Variants in COX6A2 observed in about 807,000 individuals in gnomAD.
The protein encoded by COX6A2 is cytochrome c oxidase subunit 6A2.
In COX6A2, 5 loss-of-function variants were observed where a neutral mutation model predicts 7.2. The observed-to-expected ratio is 0.69, with a 90% CI of 0.36 to 1.45. COX6A2 has a LOEUF of 1.45. Among genes scored for constraint, COX6A2 ranks in the 40% most tolerant of loss-of-function variants. COX6A2 has a pLI of 0.03. For missense variants in COX6A2, 174 were observed against 137.7 expected (o/e 1.26, Z -1.32); for synonymous variants, 63 against 55.9 (o/e 1.13, Z -0.56).
rs1415273257 is a variant in COX6A2, at chr16:31,427,944, CCCCCG to C, written c.210+66_210+70del. ...CGCGACCCCCCCCCCGCAGCACCCC[CCCCCG>C]CCCCCGCAGCACCCCCCCCCGCCCC... On this transcript the variant is annotated intron_variant, in intron 2 of 2. Coordinates refer to ENST00000287490, the MANE Select transcript of COX6A2 (RefSeq NM_005205.4). 1,018 of 331,954 alleles carry C rather than the reference CCCCCG, an allele frequency of 3.1e-3. 49 individuals carry two copies. Among genetic ancestry groups the C allele is most frequent in the Non-Finnish European group, 3.5e-3 (793 of 227,332 alleles). 20.6% of individuals were successfully genotyped at this position (331,954 alleles called of 1,614,324 possible).
At position 31,427,960 on chromosome 16, in the gene COX6A2, A is replaced by AC. The variant is rs1391925319; in HGVS notation, c.210+54dup. The AC allele has an allele frequency of 7.8e-4, 118 of 151,660 alleles. 2 individuals are homozygous for AC. Among genetic ancestry groups the AC allele is most frequent in the Admixed American group, 3.0e-3 (9 of 3,042 alleles). The allele number at this position is 151,660 out of a possible 1,614,324, so 9.4% of individuals were successfully genotyped here. A position where few individuals can be genotyped will look rare whatever the true frequency, so the allele number is the denominator to read the frequency against. Reference sequence around the variant, plus strand: ...CAGCACCCCCCCCCGCCCCCGCAGCACCCCCCCCCGCCCCCGCAGCACCCC... The same window carrying AC: ...CAGCACCCCCCCCCGCCCCCGCAGCACCCCCCCCCCGCCCCCGCAGCACCCC... On this transcript the variant is annotated intron_variant, in intron 2 of 2. Coordinates refer to ENST00000287490, the MANE Select transcript of COX6A2 (RefSeq NM_005205.4).
chr16:31,428,083 A>C lies in COX6A2; in HGVS notation c.142T>G (p.Tyr48Asp), dbSNP rs572961091. 4.0e-5 allele frequency: 63 copies of C among 1,555,930 alleles called. No homozygotes were observed. The highest frequency in any genetic ancestry group is 5.1e-5 in the Non-Finnish European group (59 of 1,151,564). Residue 48 changes from tyrosine (Y) to aspartate (D), a missense_variant, in exon 2 of 3, where the codon TAT becomes GAT. Transcript: ENST00000287490. The stretch of plus-strand genomic sequence containing the variant: ...CGCGGGCGGTGGCCCGAGTGGAGAT[A>C]GGAGTTGAAGGTGCAGAGGGCCACG... ...PSVALCTFNS[Y>D]LHSGHRPRPE...
In COX6A2 at chr16:31,428,237, C is replaced by T; in HGVS notation, c.73+16G>A. On this transcript the variant is annotated intron_variant, in intron 1 of 2. Coordinates refer to ENST00000287490, the MANE Select transcript of COX6A2 (RefSeq NM_005205.4). ...CAGGGTAGGGGAGCCCCCGGATCCG[C>T]CCGTTCCCCACTCACCTCCTGCTCC... is the stretch of plus-strand genomic sequence containing the variant. The T allele has an allele frequency of 1.3e-6, 2 of 1,573,820 alleles. No homozygotes were observed. Among genetic ancestry groups the T allele is most frequent in the South Asian group, 1.2e-5 (1 of 85,222 alleles).
In COX6A2 at chr16:31,427,995, C is replaced by A; in HGVS notation, c.210+20G>T. 1 of 1,344,366 alleles carries A rather than the reference C, an allele frequency of 7.4e-7. No homozygotes were observed. The allele number at this position is 1,344,366 out of a possible 1,614,324, so 83.3% of individuals were successfully genotyped here. On this transcript the variant is annotated intron_variant, in intron 2 of 2. Transcript: ENST00000287490. ...GCCCCCGCAGCACCCCCGTGCCGCC[C>A]GCGCGCCCGTCCCGCGTACCTTGGT...
Position 31,427,744 on chromosome 16 carries a change from C to A in COX6A2, c.*30G>T, listed in dbSNP as rs753318259. 2 of 1,370,774 alleles carry A rather than the reference C, an allele frequency of 1.5e-6. No homozygotes were observed. The highest frequency in any genetic ancestry group is 1.9e-6 in the Non-Finnish European group (2 of 1,054,854). The allele number at this position is 1,370,774 out of a possible 1,614,324, so 84.9% of individuals were successfully genotyped here. A position where few individuals can be genotyped will look rare whatever the true frequency, so the allele number is the denominator to read the frequency against. On this transcript the variant is annotated 3_prime_UTR_variant, in exon 3 of 3. Transcript: ENST00000287490. ...AGAGCCGCAGACTCGAAGCTTCACA[C>A]CTTTATTGTGTCCGGGGGCGTCCGG...
Position 31,427,735 on chromosome 16 carries a change from A to T in COX6A2, c.*39T>A. The stretch of plus-strand genomic sequence containing the variant: ...CCTCCCCACAGAGCCGCAGACTCGA[A>T]GCTTCACACCTTTATTGTGTCCGGG... On this transcript the variant is annotated 3_prime_UTR_variant, in exon 3 of 3. Transcript: ENST00000287490. The T allele has an allele frequency of 7.5e-7, 1 of 1,332,508 alleles. No homozygotes were observed. The highest frequency in any genetic ancestry group is 9.7e-7 in the Non-Finnish European group (1 of 1,030,126). 82.5% of individuals were successfully genotyped at this position (1,332,508 alleles called of 1,614,324 possible). A position where few individuals can be genotyped will look rare whatever the true frequency, so the allele number is the denominator to read the frequency against.
Position 31,428,050 on chromosome 16 carries a change from A to G in COX6A2, c.175T>C (p.Phe59Leu). 6.5e-7 allele frequency: 1 copy of G among 1,540,556 alleles called. No homozygotes were observed. The highest frequency in any genetic ancestry group is 8.7e-7 in the Non-Finnish European group (1 of 1,145,054). ...ATGCGGAGGTGTTGGTAGGGACGGA[A>G]CTCGGGGCGCGGGCGGTGGCCCGAG... ...LHSGHRPRPE[F>L]RPYQHLRIRT... The change falls in exon 2 of 3, where the codon TTC becomes CTC. Residue 59 changes from phenylalanine (F) to leucine (L), a missense_variant. Phe to Leu is a conservative substitution (Grantham distance 22). Transcript: ENST00000287490.
chr16:31,428,087 G>A lies in COX6A2; in HGVS notation c.138C>T (p.Asn46=), dbSNP rs2082152333. Reference sequence around the variant, plus strand: ...GGCGGTGGCCCGAGTGGAGATAGGAGTTGAAGGTGCAGAGGGCCACGCTGG... The same window carrying A: ...GGCGGTGGCCCGAGTGGAGATAGGAATTGAAGGTGCAGAGGGCCACGCTGG... The part of the protein sequence containing the change: ...ALPSVALCTF[N]SYLHSGHRPR... The change falls in exon 2 of 3, where the codon AAC becomes AAT. Residue 46 remains asparagine, a synonymous_variant. Coordinates refer to ENST00000287490, the MANE Select transcript of COX6A2 (RefSeq NM_005205.4). 2.6e-6 allele frequency: 4 copies of A among 1,558,630 alleles called. No individual in the cohort carries two copies. The African/African-American group carries it at 5.5e-5, about 21-fold the overall frequency.
Position 31,427,851 on chromosome 16 carries a change from G to A in COX6A2, c.217C>T (p.Pro73Ser). 7.1e-7 allele frequency: 1 copy of A among 1,404,598 alleles called. No individual in the cohort carries two copies. Among genetic ancestry groups the A allele is most frequent in the Non-Finnish European group, 9.3e-7 (1 of 1,075,704 alleles). The allele number at this position is 1,404,598 out of a possible 1,614,324, so 87.0% of individuals were successfully genotyped here. A position where few individuals can be genotyped will look rare whatever the true frequency, so the allele number is the denominator to read the frequency against. ...QHLRIRTKPY[P>S]WGDGNHTLFH... Reference sequence around the variant, plus strand: ...AGAGTGTGGTTGCCGTCCCCCCAGGGGTAGGGCTGTGGAGAGAGCGGGGGA... The same window carrying A: ...AGAGTGTGGTTGCCGTCCCCCCAGGAGTAGGGCTGTGGAGAGAGCGGGGGA... The change falls in exon 3 of 3, where the codon CCC becomes TCC. Residue 73 changes from proline (P) to serine (S), a missense_variant. Transcript: ENST00000287490.
chr16:31,427,907 G>C, intron 2 of COX6A2, 50 bp from the exon 3 acceptor site: 2 of 601,068 alleles, frequency 3.3e-6, no homozygotes, highest in Non-Finnish European at 4.1e-6. Context: ...TGAGTCCGGA[G>C]TCCGCGCCCC....
In COX6A2 at chr16:31,427,961, C is replaced by CT. The variant is rs1491217839; in HGVS notation, c.210+53_210+54insA. On this transcript the variant is annotated intron_variant, in intron 2 of 2. Transcript: ENST00000287490. ...AGCACCCCCCCCCGCCCCCGCAGCA[C>CT]CCCCCCCCGCCCCCGCAGCACCCCC... 5.1e-4 allele frequency: 191 copies of CT among 375,292 alleles called. 10 individuals carry two copies. The African/African-American group carries it at 9.1e-3, about 18-fold the overall frequency. The allele number at this position is 375,292 out of a possible 1,614,324, so 23.2% of individuals were successfully genotyped here.
In COX6A2 at chr16:31,428,090, G is replaced by T; in HGVS notation, c.135C>A (p.Phe45Leu). The change falls in exon 2 of 3, where the codon TTC (phenylalanine) becomes TTA (leucine). Residue 45 changes from phenylalanine to leucine, a missense_variant. Physicochemically the swap from Phe to Leu is conservative, Grantham distance 22 (BLOSUM62 0). Coordinates refer to ENST00000287490, the MANE Select transcript of COX6A2 (RefSeq NM_005205.4). ...LALPSVALCT[F>L]NSYLHSGHRP... ...GGTGGCCCGAGTGGAGATAGGAGTTGAAGGTGCAGAGGGCCACGCTGGGCA... is the reference window on the plus strand; with the variant it reads ...GGTGGCCCGAGTGGAGATAGGAGTTTAAGGTGCAGAGGGCCACGCTGGGCA... 4 of 1,559,592 alleles carry T rather than the reference G, an allele frequency of 2.6e-6. No homozygotes were observed. Among genetic ancestry groups the T allele is most frequent in the Non-Finnish European group, 3.5e-6 (4 of 1,153,238 alleles).
rs925338224 is a variant in COX6A2 at position 31,428,029 on chromosome 16, G to A, written c.196C>T (p.Arg66Cys). ...GTCCCGCGTACCTTGGTGCGGATGC[G>A]GAGGTGTTGGTAGGGACGGAACTCG... ...RPEFRPYQHL[R>C]IRTKPYPWGD... is the part of the protein sequence containing the mutation. Residue 66 changes from arginine to cysteine, a missense_variant, in exon 2 of 3, where the codon CGC becomes TGC. Physicochemically the swap from Arg to Cys is radical, Grantham distance 180 (BLOSUM62 -3). Transcript: ENST00000287490. The A allele has an allele frequency of 3.3e-6, 5 of 1,511,014 alleles. No homozygotes were observed. The Admixed American group carries it at 6.4e-5, about 19-fold the overall frequency. 93.6% of individuals were successfully genotyped at this position (1,511,014 alleles called of 1,614,324 possible).
chr16:31,427,821 G>T lies in COX6A2; in HGVS notation c.247C>A (p.His83Asn). 7.1e-7 allele frequency: 1 copy of T among 1,412,686 alleles called. No homozygotes were observed. The highest frequency in any genetic ancestry group is 9.3e-7 in the Non-Finnish European group (1 of 1,080,274). 87.5% of individuals were successfully genotyped at this position (1,412,686 alleles called of 1,614,324 possible). ...PWGDGNHTLF[H>N]NSHVNPLPTG... is the part of the protein sequence containing the mutation. Reference sequence around the variant, plus strand: ...GGCAGAGGGTTCACGTGGCTATTGTGGAACAGAGTGTGGTTGCCGTCCCCC... The same window carrying T: ...GGCAGAGGGTTCACGTGGCTATTGTTGAACAGAGTGTGGTTGCCGTCCCCC... Residue 83 changes from histidine to asparagine, a missense_variant, in exon 3 of 3, where the codon CAC (histidine) becomes AAC (asparagine). Transcript: ENST00000287490.
rs771269329 is a variant in COX6A2 at position 31,428,274 on chromosome 16, C to T, written c.52G>A (p.Gly18Arg). Reference protein sequence around the residue: ...LTRGLASAAKGGHGGAGARTW... With the variant: ...LTRGLASAAKRGHGGAGARTW... ...TCACCTCCTGCTCCTCCGTGGCCTC[C>T]TTTGGCAGCGCTGGCCAAGCCCCGG... The change falls in exon 1 of 3, where the codon GGA becomes AGA. Residue 18 changes from glycine (G) to arginine (R), a missense_variant. By Grantham distance (125) the Gly-to-Arg change is moderately radical. Transcript: ENST00000287490. 3 of 1,603,816 alleles carry T rather than the reference C, an allele frequency of 1.9e-6. No individual in the cohort carries two copies. Among genetic ancestry groups the T allele is most frequent in the Admixed American group, 1.7e-5 (1 of 58,876 alleles).
rs1211606688 is a variant in COX6A2 at position 31,428,076 on chromosome 16, T to G, written c.149A>C (p.His50Pro). Residue 50 changes from histidine to proline, a missense_variant, in exon 2 of 3, where the codon CAC (histidine) becomes CCC (proline). His to Pro is a moderately conservative substitution (Grantham distance 77, BLOSUM62 -2). Coordinates refer to ENST00000287490, the MANE Select transcript of COX6A2 (RefSeq NM_005205.4). ...VALCTFNSYL[H>P]SGHRPRPEFR... ...CTCGGGGCGCGGGCGGTGGCCCGAG[T>G]GGAGATAGGAGTTGAAGGTGCAGAG... The G allele has an allele frequency of 1.3e-6, 2 of 1,547,062 alleles. No homozygotes were observed. Among genetic ancestry groups the G allele is most frequent in the African/African-American group, 2.8e-5 (2 of 71,376 alleles).
At position 31,428,123 on chromosome 16, in the gene COX6A2, C is replaced by T; in HGVS notation, c.102G>A (p.Val34=). 2.5e-6 allele frequency: 4 copies of T among 1,572,606 alleles called. No homozygotes were observed. The South Asian group carries it at 4.7e-5, about 18-fold the overall frequency. Reference sequence around the variant, plus strand: ...AGAGGGCCACGCTGGGCAGCGCCAGCACGAAGGTCAGCAGACGCCAGGTAC... The same window carrying T: ...AGAGGGCCACGCTGGGCAGCGCCAGTACGAAGGTCAGCAGACGCCAGGTAC... ...GARTWRLLTF[V]LALPSVALCT... The change falls in exon 2 of 3, where the codon GTG becomes GTA. Residue 34 remains valine (V), a synonymous_variant. Coordinates refer to ENST00000287490, the MANE Select transcript of COX6A2 (RefSeq NM_005205.4).
chr16:31,428,024 GA>G lies in COX6A2; in HGVS notation c.200del (p.Ile67ThrfsTer21), dbSNP rs1352776964. On this transcript the variant is annotated frameshift_variant, in exon 2 of 3. Coordinates refer to ENST00000287490, the MANE Select transcript of COX6A2 (RefSeq NM_005205.4). LOFTEE classifies it high-confidence loss of function. ...PEFRPYQHLR[I>X]RTKPYPWGDG... ...CGCCCGTCCCGCGTACCTTGGTGCG[GA>G]TGCGGAGGTGTTGGTAGGGACGGAA... 1 of 1,502,672 alleles carries G rather than the reference GA, an allele frequency of 6.7e-7. No homozygotes were observed. Among genetic ancestry groups the G allele is most frequent in the East Asian group, 2.7e-5 (1 of 36,816 alleles). The allele number at this position is 1,502,672 out of a possible 1,614,324, so 93.1% of individuals were successfully genotyped here.
Position 31,427,776 on chromosome 16 carries a change from AG to A in COX6A2, c.291del (p.Ter98GlufsTer?). ...TGTGTCCGGGGGCGTCCGGGGCCTCAGGGGTGTTCGTAGCCCGTGGGCAGAG... is the reference window on the plus strand; with the variant it reads ...TGTGTCCGGGGGCGTCCGGGGCCTCAGGGTGTTCGTAGCCCGTGGGCAGAG... ...VNPLPTGYEH[P>X] On this transcript the variant is annotated frameshift_variant, in exon 3 of 3. Coordinates refer to ENST00000287490, the MANE Select transcript of COX6A2 (RefSeq NM_005205.4). LOFTEE classifies it high-confidence loss of function. 2 of 1,415,720 alleles carry A rather than the reference AG, an allele frequency of 1.4e-6. No homozygotes were observed. The highest frequency in any genetic ancestry group is 3.0e-5 in the Admixed American group (1 of 33,606). 87.7% of individuals were successfully genotyped at this position (1,415,720 alleles called of 1,614,324 possible).
Sources: gnomAD v4.1 joint callset for allele counts on GRCh38, gnomAD v4.1.1 for gene constraint, MANE v1.5 for transcripts, NCBI Gene and HGNC (gene_info 2026-07-23, HGNC 2026-07-21) for gene names.